THSD4: variants seen among roughly 807,000 people sequenced by gnomAD.
The protein encoded by THSD4 is thrombospondin type 1 domain containing 4, also known as thrombospondin type-1 domain-containing protein 4.
THSD4 carries 69 observed loss-of-function variants against 119.0 expected under a neutral mutation model. The ratio of observed to expected loss-of-function variants is 0.58; its 90% CI spans 0.48 to 0.71. The LOEUF (loss-of-function observed/expected upper bound fraction) is 0.71. Among genes scored for constraint, THSD4 ranks in the 30% least tolerant of loss-of-function variants. The pLI is 0.00. For synonymous variants in THSD4, 524 were observed against 540.4 expected, an observed-to-expected ratio of 0.97 and a Z score of 0.42; for missense variants, 1,393 against 1,391.1, an observed-to-expected ratio of 1.00 and a Z score of -0.02.
intron 3 of THSD4, among the ~76,000 whole-genome samples, chr15:71,172,702 T>TATATATATATATATATATATGTGAC (rs1567145366): frequency 1.5e-4 from 15 of 103,050 alleles, no homozygotes; most frequent in African/African-American, 5.9e-4. Flanking sequence ...TATATATATA[T>TATATATATATATATATATATGTGAC]ATATATATAT....
intron 7 of THSD4, among the ~76,000 whole-genome samples, chr15:71,608,249 TACACACAC>T (rs55892951): frequency 2.8e-3 from 295 of 106,240 alleles, no homozygotes; most frequent in Middle Eastern, 0.017. Flanking sequence ...TATATATATA[TACACACAC>T]ACACACACAC....
At chr15:71,249,189 C>T (rs2044234202) in intron 5 of THSD4, among the ~76,000 whole-genome samples, 1 of 151,950 alleles carries the variant, frequency 6.6e-6, no homozygotes, top group Admixed American at 6.5e-5. Flanking sequence ...CATGTATACA[C>T]ACCACACACA....
chr15:71,214,159 T>TGTATAGCTAGAGG (rs2043909956), intron 3 of THSD4, among the ~76,000 whole-genome samples: 1 of 150,126 alleles, frequency 6.7e-6, no homozygotes, highest in African/African-American at 2.4e-5. Flanking sequence ...CAGCACTCTG[T>TGTATAGCTAGAGG]AAAATGGACC....
chr15:71,691,009 A>G (rs2052037591), intron 8 of THSD4, among the ~76,000 whole-genome samples: 1 of 152,232 alleles, frequency 6.6e-6, no homozygotes, highest in African/African-American at 2.4e-5. Flanking sequence ...ACCCTGGATT[A>G]TCCAGGTGAG....
chr15:71,197,186 G>A (rs1366125190), intron 3 of THSD4, among the ~76,000 whole-genome samples: 1 of 152,178 alleles, frequency 6.6e-6, no homozygotes, highest in East Asian at 1.9e-4. Context: ...TGCCCCACAG[G>A]GTTATCCTGG....
Position 71,723,046 on chromosome 15 carries a change from C to T in THSD4, c.1358-5503C>T, listed in dbSNP as rs78507576. ...CCAGTGTTAGAACCATCTTAAGCAA[C>T]GTTCTATGGATGGACATTTAGGCTA... On this transcript the variant is annotated intron_variant, in intron 8 of 17. Coordinates refer to ENST00000261862, the MANE Select transcript of THSD4 (RefSeq NM_024817.3). Among the ~76,000 whole-genome samples the T allele has an allele frequency of 8.4e-3, 1,252 of 149,650 alleles. 14 individuals are homozygous for T. The highest frequency in any genetic ancestry group is 0.029 in the African/African-American group (1,190 of 40,868).
chr15:71,313,189 CTTTA>C (rs1211398010), intron 6 of THSD4, among the ~76,000 whole-genome samples: 4 of 152,160 alleles, frequency 2.6e-5, no homozygotes, highest in South Asian at 2.1e-4. Context: ...TTCACTTCTA[CTTTA>C]TTTATTTATT....
chr15:71,547,040 C>G (rs1048651297), intron 7 of THSD4, among the ~76,000 whole-genome samples: 1 of 152,150 alleles, frequency 6.6e-6, no homozygotes, highest in Admixed American at 6.5e-5. Flanking sequence ...TAGGGGCTGT[C>G]CCCCTGCATG....
chr15:71,195,747 T>A (rs1238944788), intron 3 of THSD4, among the ~76,000 whole-genome samples: 1 of 151,990 alleles, frequency 6.6e-6, no homozygotes, highest in East Asian at 1.9e-4. Context: ...TGGATGGGGT[T>A]GGGGGAAAGA....
chr15:71,192,006 G>A (rs1464513220), intron 3 of THSD4, among the ~76,000 whole-genome samples: 2 of 151,396 alleles, frequency 1.3e-5, no homozygotes, highest in East Asian at 2.0e-4. Context: ...AGGTTGAAGC[G>A]ATTCTCCTGT....
intron 6 of THSD4, among the ~76,000 whole-genome samples, chr15:71,282,580 A>G (rs2044666066): frequency 1.3e-5 from 2 of 152,176 alleles, no homozygotes; most frequent in Non-Finnish European, 2.9e-5. Context: ...GACGGTCCAC[A>G]TAGGCCAACA....
intron 7 of THSD4, among the ~76,000 whole-genome samples, chr15:71,623,179 C>T (rs1357930375): frequency 6.6e-6 from 1 of 152,150 alleles, no homozygotes; most frequent in African/African-American, 2.4e-5. Flanking sequence ...GTGTTAGGAA[C>T]ACCAATTTCT....
intron 7 of THSD4, among the ~76,000 whole-genome samples, chr15:71,484,945 T>A: frequency 6.6e-6 from 1 of 152,186 alleles, no homozygotes; most frequent in East Asian, 1.9e-4. Flanking sequence ...TCTGGTCCAG[T>A]CCTCTCTTCT....
intron 7 of THSD4, among the ~76,000 whole-genome samples, chr15:71,549,018 C>G (rs72737246): frequency 0.28 from 42,378 of 152,152 alleles, 6,269 homozygotes; most frequent in Middle Eastern, 0.44. Context: ...ACGCCGGAAT[C>G]TGTGTGCCCC....
intron 5 of THSD4, among the ~76,000 whole-genome samples, chr15:71,246,836 T>C (rs1172182028): frequency 6.6e-6 from 1 of 151,520 alleles, no homozygotes; most frequent in Non-Finnish European, 1.5e-5. Context: ...GGTGCAACAC[T>C]CTCCTTCAGA....
intron 9 of THSD4, 38 bp from the exon 10 acceptor site, chr15:71,731,083 C>T (rs2277540): frequency 0.66 from 1,066,790 of 1,605,574 alleles, 365,888 homozygotes; most frequent in East Asian, 0.79. Flanking sequence ...GGTGTGCATA[C>T]GTGCCAAGTG....
chr15:71,293,659 C>T (rs1317958925), intron 6 of THSD4, among the ~76,000 whole-genome samples: 1 of 152,190 alleles, frequency 6.6e-6, no homozygotes, highest in Non-Finnish European at 1.5e-5. Context: ...TTGCAACTTA[C>T]ACTCAATTAC....
intron 3 of THSD4, among the ~76,000 whole-genome samples, chr15:71,207,625 C>T (rs916133643): frequency 6.6e-6 from 1 of 152,294 alleles, no homozygotes; most frequent in Non-Finnish European, 1.5e-5. Context: ...AGGTGAGCGG[C>T]GGGTCAGCGG....
At chr15:71,485,419 G>C (rs1445198618) in intron 7 of THSD4, among the ~76,000 whole-genome samples, 2 of 152,192 alleles carry the variant, frequency 1.3e-5, no homozygotes, top group African/African-American at 4.8e-5. Flanking sequence ...TAGAATTACA[G>C]TTCACCATCA....
Sources: gnomAD v4.1 joint callset for allele counts (sites outside exome capture counted in the v4.1 genomes callset) on GRCh38, gnomAD v4.1.1 for gene constraint, MANE v1.5 for transcripts, NCBI Gene and HGNC (gene_info 2026-07-23, HGNC 2026-07-21) for gene names.